Variants in LCLAT1 observed in about 807,000 individuals in gnomAD.
LCLAT1 encodes lysocardiolipin acyltransferase 1.
Under a neutral mutation model 30.7 loss-of-function variants are expected in LCLAT1, and 11 were observed. The observed-to-expected ratio is 0.36, with a 90% CI of 0.23 to 0.59. The LOEUF is 0.59. Among genes scored for constraint, LCLAT1 ranks in the 20% least tolerant of loss-of-function variants. The probability of loss-of-function intolerance (pLI) is 0.77; values close to 1 mark genes in which losing one functional copy is unlikely to be tolerated. For missense variants in LCLAT1, 402 were observed against 458.6 expected (o/e 0.88, Z 1.13); for synonymous variants, 155 against 151.3 (o/e 1.02, Z -0.18).
intron 1 of LCLAT1, among the ~76,000 whole-genome samples, chr2:30,521,227 C>T (rs889588213): frequency 6.6e-6 from 1 of 152,190 alleles, no homozygotes; most frequent in Admixed American, 6.5e-5. Flanking sequence ...AATAATCCAT[C>T]CCTTGTTTAG....
intron 1 of LCLAT1, among the ~76,000 whole-genome samples, chr2:30,468,784 G>A (rs829567): frequency 0.094 from 14,292 of 152,114 alleles, 713 homozygotes; most frequent in East Asian, 0.11. Context: ...TATGCAATAC[G>A]TGACCTTTTG....
chr2:30,541,072 G>A (rs1350254263), intron 3 of LCLAT1, among the ~76,000 whole-genome samples: 1 of 152,066 alleles, frequency 6.6e-6, no homozygotes, highest in African/African-American at 2.4e-5. Flanking sequence ...CATTTTGTCT[G>A]GGGTGAGTTG....
chr2:30,560,865 C>T (rs1028395400), intron 3 of LCLAT1, among the ~76,000 whole-genome samples: 2 of 152,138 alleles, frequency 1.3e-5, no homozygotes, highest in South Asian at 2.1e-4. Context: ...CTGGCTAGGA[C>T]TTGTGGAGAT....
At chr2:30,631,536 AT>A (rs1357414602) in intron 5 of LCLAT1, among the ~76,000 whole-genome samples, 9 of 152,196 alleles carry the variant, frequency 5.9e-5, no homozygotes, top group African/African-American at 2.2e-4. Context: ...TGTGATTATA[AT>A]TTATATGATG....
chr2:30,574,767 C>T (rs1353187021), intron 5 of LCLAT1, among the ~76,000 whole-genome samples: 1 of 152,136 alleles, frequency 6.6e-6, no homozygotes, highest in Admixed American at 6.5e-5. Context: ...TCTACAGATA[C>T]TTTGTGTCAT....
chr2:30,557,202 A>G (rs1664961259), intron 3 of LCLAT1, among the ~76,000 whole-genome samples: 1 of 152,152 alleles, frequency 6.6e-6, no homozygotes, highest in South Asian at 2.1e-4. Context: ...CAATGCAGTT[A>G]TTTATAAAAT....
At chr2:30,604,182 T>C (rs1240043567) in intron 5 of LCLAT1, among the ~76,000 whole-genome samples, 1 of 152,140 alleles carries the variant, frequency 6.6e-6, no homozygotes. Context: ...GCTACAACAG[T>C]GTGACCCTTC....
chr2:30,461,591 G>A (rs1682130575), intron 1 of LCLAT1, among the ~76,000 whole-genome samples: 1 of 151,744 alleles, frequency 6.6e-6, no homozygotes, highest in Non-Finnish European at 1.5e-5. Flanking sequence ...TTGTTTTACT[G>A]GTAAGGAAAG....
At chr2:30,638,731 C>A (rs1669152786) in intron 5 of LCLAT1, among the ~76,000 whole-genome samples, 3 of 151,624 alleles carry the variant, frequency 2.0e-5, no homozygotes, top group African/African-American at 7.3e-5. Context: ...CTACTTGGTA[C>A]CCTGAGCCAA....
At chr2:30,560,937 T>C (rs927847588) in intron 3 of LCLAT1, among the ~76,000 whole-genome samples, 6 of 152,076 alleles carry the variant, frequency 3.9e-5, no homozygotes. Flanking sequence ...TTCACTCTCA[T>C]ATGCTTTTAT....
At chr2:30,526,316 AT>A (rs905878633) in intron 2 of LCLAT1, among the ~76,000 whole-genome samples, 4 of 150,226 alleles carry the variant, frequency 2.7e-5, no homozygotes, top group African/African-American at 9.8e-5. Context: ...CTTCCCCTGT[AT>A]TTTTTCCCTG....
intron 3 of LCLAT1, among the ~76,000 whole-genome samples, chr2:30,541,667 C>T (rs929213693): frequency 6.6e-6 from 1 of 152,116 alleles, no homozygotes; most frequent in African/African-American, 2.4e-5. Context: ...TAATGTATTA[C>T]TTACATTCAA....
At chr2:30,480,287 C>T (rs1332575749) in intron 1 of LCLAT1, among the ~76,000 whole-genome samples, 1 of 152,056 alleles carries the variant, frequency 6.6e-6, no homozygotes, top group Non-Finnish European at 1.5e-5. Flanking sequence ...TCTTGGATAG[C>T]TCAAGCTGTC....
At chr2:30,447,538 C>A (rs911129753) in intron 1 of LCLAT1, 155 bp downstream of exon 1, 2 of 152,318 alleles carry the variant, frequency 1.3e-5, no homozygotes, top group African/African-American at 4.8e-5. Flanking sequence ...CGGCCACTGG[C>A]CTGGCATTTG....
intron 1 of LCLAT1, among the ~76,000 whole-genome samples, chr2:30,492,941 T>G (rs571507055): frequency 4.6e-5 from 7 of 152,346 alleles, no homozygotes; most frequent in African/African-American, 1.7e-4. Flanking sequence ...CACACTAAAA[T>G]TAGCCCTTTT....
At chr2:30,556,676 A>G (rs1664932085) in intron 3 of LCLAT1, among the ~76,000 whole-genome samples, 1 of 152,206 alleles carries the variant, frequency 6.6e-6, no homozygotes, top group African/African-American at 2.4e-5. Context: ...TTGTATAACA[A>G]TACCAGTCAG....
chr2:30,582,471 T>C (rs771863203), intron 5 of LCLAT1, among the ~76,000 whole-genome samples: 5 of 152,224 alleles, frequency 3.3e-5, no homozygotes, highest in Non-Finnish European at 5.9e-5. Flanking sequence ...TGGCTCAGGA[T>C]ATTTTGTATT....
chr2:30,597,629 CTTTG>C (rs955027795), intron 5 of LCLAT1, among the ~76,000 whole-genome samples: 5 of 152,100 alleles, frequency 3.3e-5, no homozygotes, highest in African/African-American at 9.7e-5. Flanking sequence ...TGTAGATACC[CTTTG>C]TTTCTTTCTC....
At chr2:30,570,397 A>G (rs1665728489) in intron 5 of LCLAT1, among the ~76,000 whole-genome samples, 1 of 152,240 alleles carries the variant, frequency 6.6e-6, no homozygotes, top group Non-Finnish European at 1.5e-5. Flanking sequence ...GATAACTATA[A>G]TAGTATAGCA....
Sources: gnomAD v4.1 joint callset for allele counts (sites outside exome capture counted in the v4.1 genomes callset) on GRCh38, gnomAD v4.1.1 for gene constraint, MANE v1.5 for transcripts, NCBI Gene and HGNC (gene_info 2026-07-23, HGNC 2026-07-21) for gene names.